Variants in SPOCK1 observed in about 807,000 individuals in gnomAD.
SPOCK1 encodes SPARC (osteonectin), cwcv and kazal like domains proteoglycan 1.
A neutral mutation model predicts 55.3 loss-of-function variants in SPOCK1; 23 were observed. The observed-to-expected ratio is 0.42, with a 90% CI of 0.30 to 0.59. SPOCK1 has a LOEUF of 0.59. Ranked by LOEUF, SPOCK1 falls within the 20% of genes least tolerant of loss-of-function variation. SPOCK1 has a pLI of 0.22. For missense variants in SPOCK1, 499 were observed against 552.5 expected, an observed-to-expected ratio of 0.90 and a Z score of 0.97; for synonymous variants, 226 against 221.0, an observed-to-expected ratio of 1.02 and a Z score of -0.20.
intron 3 of SPOCK1, among the ~76,000 whole-genome samples, chr5:137,232,500 G>A (rs1756082741): frequency 6.6e-6 from 1 of 152,144 alleles, no homozygotes; most frequent in Non-Finnish European, 1.5e-5. Flanking sequence ...TATTTGCCTG[G>A]CTCTCTTTCT....
chr5:137,102,117 G>A (rs1753280415), intron 5 of SPOCK1, among the ~76,000 whole-genome samples: 1 of 152,046 alleles, frequency 6.6e-6, no homozygotes, highest in Non-Finnish European at 1.5e-5. Flanking sequence ...TTTTATTCAT[G>A]CAGTATAAAC....
intron 6 of SPOCK1, among the ~76,000 whole-genome samples, chr5:137,034,233 A>C (rs527899897): frequency 6.6e-6 from 1 of 152,278 alleles, no homozygotes; most frequent in South Asian, 2.1e-4. Context: ...AGACAAATGA[A>C]ACCAAGCTTT....
chr5:137,167,719 G>A (rs1660817674), intron 3 of SPOCK1, among the ~76,000 whole-genome samples: 1 of 152,016 alleles, frequency 6.6e-6, no homozygotes, highest in South Asian at 2.1e-4. Flanking sequence ...TGAATGACCA[G>A]TGGATCAGTG....
intron 2 of SPOCK1, among the ~76,000 whole-genome samples, chr5:137,412,814 G>A (rs2149822746): frequency 6.6e-6 from 1 of 152,278 alleles, no homozygotes; most frequent in South Asian, 2.1e-4. Flanking sequence ...CAAAATAAAT[G>A]TGCAGGAATG....
chr5:137,140,493 A>G (rs935137064), intron 4 of SPOCK1, 87 bp downstream of exon 4: 4 of 1,117,084 alleles, frequency 3.6e-6, no homozygotes, highest in Middle Eastern at 2.5e-4. Context: ...TCCCCTCCCC[A>G]TATCCCCACG....
chr5:137,155,519 T>C (rs1408594150), intron 3 of SPOCK1, among the ~76,000 whole-genome samples: 1 of 152,196 alleles, frequency 6.6e-6, no homozygotes, highest in Non-Finnish European at 1.5e-5. Context: ...TGGAAACTGA[T>C]ACATGGCACT....
intron 4 of SPOCK1, among the ~76,000 whole-genome samples, chr5:137,113,790 C>A (rs1277685050): frequency 6.6e-6 from 1 of 152,092 alleles, no homozygotes; most frequent in Non-Finnish European, 1.5e-5. Context: ...TGTGATTAAT[C>A]CTCAGTCCCC....
In SPOCK1 at chr5:137,105,303, T is replaced by C. The variant is rs564121276; in HGVS notation, c.474+7132A>G. On this transcript the variant is annotated intron_variant, in intron 5 of 10. Coordinates refer to ENST00000394945, the MANE Select transcript of SPOCK1 (RefSeq NM_004598.4). ...AAGCAAGGCCCTCACCAATAAGCCA[T>C]TTGCAAGTAAAGCCAATTTTCAACC... Among the ~76,000 whole-genome samples, 3 of 152,274 alleles carry C rather than the reference T, an allele frequency of 2.0e-5. No individual in the cohort carries two copies. In the South Asian group the frequency reaches 6.2e-4, roughly 32 times the overall value.
At chr5:137,123,231 T>C (rs1035797248) in intron 4 of SPOCK1, among the ~76,000 whole-genome samples, 4 of 152,184 alleles carry the variant, frequency 2.6e-5, no homozygotes, top group Non-Finnish European at 5.9e-5. Flanking sequence ...AAGCTCCTTC[T>C]CTCCTATGTG....
chr5:137,357,728 A>G (rs1273659736), intron 2 of SPOCK1, among the ~76,000 whole-genome samples: 3 of 152,158 alleles, frequency 2.0e-5, no homozygotes, highest in Admixed American at 6.5e-5. Flanking sequence ...CTTTAAAGAG[A>G]TCAGTGTGTT....
intron 3 of SPOCK1, among the ~76,000 whole-genome samples, chr5:137,259,902 G>A (rs565620060): frequency 6.6e-5 from 10 of 151,984 alleles, no homozygotes; most frequent in Non-Finnish European, 1.5e-4. Context: ...TAGTTAAAAG[G>A]CCCATTTAAT....
chr5:137,279,237 GA>G (rs1289610308), intron 2 of SPOCK1, among the ~76,000 whole-genome samples: 1 of 152,210 alleles, frequency 6.6e-6, no homozygotes, highest in Non-Finnish European at 1.5e-5. Context: ...CACCAGCGAA[GA>G]CTAACAACTA....
At chr5:137,131,684 A>G (rs1180536814) in intron 4 of SPOCK1, among the ~76,000 whole-genome samples, 1 of 146,578 alleles carries the variant, frequency 6.8e-6, no homozygotes, top group Non-Finnish European at 1.5e-5. Context: ...ACTAAAAAAT[A>G]TCTCCCCCCC....
chr5:137,172,128 C>T (rs1022734565), intron 3 of SPOCK1, among the ~76,000 whole-genome samples: 1 of 152,128 alleles, frequency 6.6e-6, no homozygotes, highest in African/African-American at 2.4e-5. Context: ...CCTCAACACC[C>T]AACTCACAAC....
chr5:137,186,331 C>T (rs78678443), intron 3 of SPOCK1, among the ~76,000 whole-genome samples: 482 of 152,320 alleles, frequency 3.2e-3, no homozygotes, highest in Non-Finnish European at 5.0e-3. Context: ...CTTCCCTTTG[C>T]ATAGGCCCGT....
intron 2 of SPOCK1, among the ~76,000 whole-genome samples, chr5:137,482,579 A>G (rs1322130417): frequency 6.6e-6 from 1 of 152,178 alleles, no homozygotes; most frequent in Non-Finnish European, 1.5e-5. Context: ...CAAACCGACC[A>G]AACGGGAACC....
chr5:137,401,959 T>C (rs1751992754), intron 2 of SPOCK1, among the ~76,000 whole-genome samples: 1 of 152,188 alleles, frequency 6.6e-6, no homozygotes, highest in African/African-American at 2.4e-5. Flanking sequence ...CCTTCTATTT[T>C]GTCTAAGATA....
At chr5:137,332,413 C>A (rs1348316089) in intron 2 of SPOCK1, among the ~76,000 whole-genome samples, 1 of 152,150 alleles carries the variant, frequency 6.6e-6, no homozygotes, top group Non-Finnish European at 1.5e-5. Context: ...TGTGCTTCAT[C>A]CACCATCTGC....
chr5:137,177,841 G>C (rs1332121483), intron 3 of SPOCK1, among the ~76,000 whole-genome samples: 2 of 151,996 alleles, frequency 1.3e-5, no homozygotes, highest in Non-Finnish European at 2.9e-5. Flanking sequence ...GGTGGGGAAA[G>C]AGGGAATCAA....
Sources: gnomAD v4.1 joint callset for allele counts (sites outside exome capture counted in the v4.1 genomes callset) on GRCh38, gnomAD v4.1.1 for gene constraint, MANE v1.5 for transcripts, NCBI Gene and HGNC (gene_info 2026-07-23, HGNC 2026-07-21) for gene names.